PPP2R2C: variants seen among roughly 807,000 people sequenced by gnomAD.
The protein encoded by PPP2R2C is protein phosphatase 2, regulatory subunit B, gamma.
In PPP2R2C, 10 loss-of-function variants were observed where a neutral mutation model predicts 45.3. The observed-to-expected ratio is 0.22, with a 90% CI of 0.14 to 0.37. The LOEUF is 0.37. Ranked by LOEUF, PPP2R2C falls within the 10% of genes least tolerant of loss-of-function variation. PPP2R2C has a pLI of 1.00. For missense variants in PPP2R2C, 308 were observed against 619.7 expected (o/e 0.50, Z 5.34); for synonymous variants, 257 against 245.4 (o/e 1.05, Z -0.44).
intron 1 of PPP2R2C, among the ~76,000 whole-genome samples, chr4:6,394,818 A>G (rs1716909267): frequency 6.6e-6 from 1 of 152,244 alleles, no homozygotes; most frequent in Non-Finnish European, 1.5e-5. Context: ...GATGGGGGCC[A>G]AACTGGCCTG....
intron 2 of PPP2R2C, among the ~76,000 whole-genome samples, chr4:6,483,786 C>T (rs1722445228): frequency 1.3e-5 from 2 of 152,002 alleles, no homozygotes; most frequent in Admixed American, 1.3e-4. Flanking sequence ...TTTGATGAGG[C>T]CAAATTTATT....
At chr4:6,467,125 G>C (rs1721639102) in intron 1 of PPP2R2C, among the ~76,000 whole-genome samples, 1 of 152,176 alleles carries the variant, frequency 6.6e-6, no homozygotes, top group African/African-American at 2.4e-5. Context: ...TGAAGCCCAA[G>C]GGAAGCTTAT....
chr4:6,438,855 A>T (rs1720016730), intron 1 of PPP2R2C, among the ~76,000 whole-genome samples: 1 of 152,176 alleles, frequency 6.6e-6, no homozygotes, highest in Non-Finnish European at 1.5e-5. Flanking sequence ...ATTTAAAGAA[A>T]CCTATTAGGT....
chr4:6,419,942 T>A (rs878283), intron 1 of PPP2R2C, among the ~76,000 whole-genome samples: 100,070 of 152,094 alleles, frequency 0.66, 34,008 homozygotes, highest in Non-Finnish European at 0.76. Flanking sequence ...TATGACCTCA[T>A]CTTAACTAGT....
At chr4:6,517,569 A>G (rs1047161553) in intron 2 of PPP2R2C, among the ~76,000 whole-genome samples, 1 of 152,192 alleles carries the variant, frequency 6.6e-6, no homozygotes, top group African/African-American at 2.4e-5. Context: ...CAAATGAAGA[A>G]ACTGAGGTTC....
chr4:6,537,551 G>GT (rs66460332), intron 1 of PPP2R2C, among the ~76,000 whole-genome samples: 1,329 of 127,590 alleles, frequency 0.01, 18 homozygotes, highest in East Asian at 0.033. Flanking sequence ...AAGATTTTTT[G>GT]TTTTTTTTTT....
intron 1 of PPP2R2C, chr4:6,383,776 C>T (rs755024351): frequency 2.0e-6 from 2 of 1,001,256 alleles, no homozygotes; most frequent in Non-Finnish European, 2.4e-6. Context: ...GAGCCTCAGG[C>T]TTAATTCACG....
intron 2 of PPP2R2C, among the ~76,000 whole-genome samples, chr4:6,522,102 C>T (rs1408725273): frequency 6.6e-6 from 1 of 152,160 alleles, no homozygotes; most frequent in Non-Finnish European, 1.5e-5. Context: ...CTCCTGCCTG[C>T]ACTCTCCCGG....
Position 6,322,034 on chromosome 4 carries a change from CA to C in PPP2R2C, c.*1267del, listed in dbSNP as rs1487498509. Reference sequence around the variant, plus strand: ...GGGCCACACTCCTGAAGCCACCAAGCAGAGCGAGGAGCTCCGGGGGGTCTTC... The same window carrying C: ...GGGCCACACTCCTGAAGCCACCAAGCGAGCGAGGAGCTCCGGGGGGTCTTC... On this transcript the variant is annotated 3_prime_UTR_variant, in exon 9 of 9. Coordinates refer to ENST00000382599, the MANE Select transcript of PPP2R2C (RefSeq NM_020416.4). This position sits in a 1 kb window ranked among gnomAD's most constrained non-coding sequence, Gnocchi z 7.8. 2.0e-5 allele frequency: 3 copies of C among 152,194 alleles called. No homozygotes were observed. The East Asian group carries it at 5.8e-4, about 29-fold the overall frequency. 9.4% of individuals were successfully genotyped at this position (152,194 alleles called of 1,614,324 possible).
chr4:6,379,619 A>G (rs1715622086), intron 2 of PPP2R2C, among the ~76,000 whole-genome samples: 1 of 152,246 alleles, frequency 6.6e-6, no homozygotes, highest in Admixed American at 6.5e-5. Flanking sequence ...AGCTTGGCAA[A>G]AAGAAGGCTG....
At chr4:6,467,249 A>T (rs1409677241) in intron 1 of PPP2R2C, among the ~76,000 whole-genome samples, 1 of 152,158 alleles carries the variant, frequency 6.6e-6, no homozygotes, top group African/African-American at 2.4e-5. Flanking sequence ...GCCACCACTA[A>T]TGTCCCCCCT....
At chr4:6,386,109 A>G (rs940099373) in intron 1 of PPP2R2C, among the ~76,000 whole-genome samples, 2 of 152,220 alleles carry the variant, frequency 1.3e-5, no homozygotes, top group Non-Finnish European at 2.9e-5. Context: ...TATAGACTAT[A>G]AACCCTTGAA....
chr4:6,480,144 C>G (rs1722300444), intron 2 of PPP2R2C, among the ~76,000 whole-genome samples: 1 of 152,148 alleles, frequency 6.6e-6, no homozygotes, highest in Admixed American at 6.5e-5. Context: ...TGCTTTCTTC[C>G]TATTTATGTT....
rs1254531162 is a variant in PPP2R2C, at chr4:6,471,575, A to C, written c.70+585T>G. 1 of 152,456 alleles carries C rather than the reference A, an allele frequency of 6.6e-6. No homozygotes were observed. The highest frequency in any genetic ancestry group is 1.5e-5 in the Non-Finnish European group (1 of 68,256). 9.4% of individuals were successfully genotyped at this position (152,456 alleles called of 1,614,324 possible). A position where few individuals can be genotyped will look rare whatever the true frequency, so the allele number is the denominator to read the frequency against. ...TCAATATAACTCACCAGGAATAAAA[A>C]GGCCAGCCCCAAACCAGCCGCCTTC... On this transcript the variant is annotated intron_variant, in intron 1 of 8. Coordinates refer to ENST00000382599, the MANE Select transcript of PPP2R2C (RefSeq NM_020416.4). This position sits in a 1 kb window ranked among gnomAD's most constrained non-coding sequence, Gnocchi z 5.6.
chr4:6,420,365 C>T (rs574180566), intron 1 of PPP2R2C, among the ~76,000 whole-genome samples: 2 of 150,640 alleles, frequency 1.3e-5, no homozygotes, highest in Non-Finnish European at 3.0e-5. Flanking sequence ...AGCATCCCCC[C>T]ACCTGTCCCG....
At chr4:6,333,366 G>C (rs975964719) in intron 7 of PPP2R2C, among the ~76,000 whole-genome samples, 196 bp downstream of exon 7, 1 of 152,248 alleles carries the variant, frequency 6.6e-6, no homozygotes, top group Admixed American at 6.5e-5. Context: ...AAAGCTCCCT[G>C]TGAGGCAAGA....
chr4:6,339,689 G>A (rs67199827), intron 6 of PPP2R2C, among the ~76,000 whole-genome samples: 2 of 152,128 alleles, frequency 1.3e-5, no homozygotes, highest in Non-Finnish European at 2.9e-5. Context: ...AGATGAGGGT[G>A]GGAGGGACCT....
chr4:6,416,620 C>T (rs1247558983), intron 1 of PPP2R2C, among the ~76,000 whole-genome samples: 3 of 152,220 alleles, frequency 2.0e-5, no homozygotes, highest in Non-Finnish European at 2.9e-5. Context: ...CTTGTCCCTG[C>T]TCCCCTCCCC....
chr4:6,536,847 A>G (rs1466223027), intron 1 of PPP2R2C, among the ~76,000 whole-genome samples: 1 of 152,254 alleles, frequency 6.6e-6, no homozygotes, highest in Non-Finnish European at 1.5e-5. Context: ...ATGGCCATCT[A>G]TCAGTGGATG....
Sources: gnomAD v4.1 joint callset for allele counts (sites outside exome capture counted in the v4.1 genomes callset) on GRCh38, gnomAD v4.1.1 for gene constraint, Gnocchi (gnomAD v3.1) non-coding constraint, MANE v1.5 for transcripts, NCBI Gene and HGNC (gene_info 2026-07-23, HGNC 2026-07-21) for gene names.